The following ZNF808 variants were observed in gnomAD, a reference collection of about 807,000 sequenced individuals.
ZNF808 encodes the protein zinc finger protein 808.
ZNF808 carries 5 observed loss-of-function variants against 8.7 expected under a neutral mutation model. That is an observed-to-expected ratio of 0.58 (90% CI 0.30 to 1.21). The LOEUF (loss-of-function observed/expected upper bound fraction) is 1.21. Among genes scored for constraint, ZNF808 ranks in the 50% most tolerant of loss-of-function variants. The probability of loss-of-function intolerance (pLI) is 0.07; values close to 1 mark genes in which losing one functional copy is unlikely to be tolerated. For synonymous variants in ZNF808, 380 were observed against 366.0 expected (o/e 1.04, Z -0.44); for missense variants, 1,103 against 1,098.4 (o/e 1.00, Z -0.06).
chr19:52,542,056 A>G (rs2059675982), intron 2 of ZNF808, among the ~76,000 whole-genome samples: 1 of 152,154 alleles, frequency 6.6e-6, no homozygotes, highest in African/African-American at 2.4e-5. Context: ...AGAGAAACTT[A>G]GATGTATACG....
At position 52,529,910 on chromosome 19, in the gene ZNF808, TA is replaced by T. The variant is rs201042718; in HGVS notation, c.-122+2200del. Among the ~76,000 whole-genome samples the T allele has an allele frequency of 5.1e-3, 363 of 71,160 alleles. 3 individuals are homozygous for T. Among genetic ancestry groups the T allele is most frequent in the African/African-American group, 0.011 (149 of 13,882 alleles). The allele number at this position is 71,160 out of a possible 152,430, so 46.7% of individuals were successfully genotyped here. On this transcript the variant is annotated intron_variant, in intron 1 of 4. Transcript: ENST00000359798. ...TAGTTTACATATATATATATATATA[TA>T]TTTTTTTTTTTTGTAGAAACGTGGT... is the stretch of plus-strand genomic sequence containing the variant.
chr19:52,550,809 T>C (rs2059769282), intron 4 of ZNF808, among the ~76,000 whole-genome samples: 1 of 152,202 alleles, frequency 6.6e-6, no homozygotes, highest in Non-Finnish European at 1.5e-5. Context: ...GATGGCTTCA[T>C]ATAAGTTTTA....
chr19:52,551,017 T>C (rs962983382), intron 4 of ZNF808, among the ~76,000 whole-genome samples: 3 of 151,914 alleles, frequency 2.0e-5, no homozygotes, highest in African/African-American at 7.3e-5. Flanking sequence ...GGTCAGGAGT[T>C]TGAGACCAGT....
Position 52,553,769 on chromosome 19 carries a change from AAACCTT to A in ZNF808, c.855_860del (p.Lys285_Tyr287delinsAsn). ...CCATCGTAGATGTCACACTGGAGAG[AAACCTT>A]ACAAGTGTAAAGAGTGTGGAAAGTC... On this transcript the variant is annotated inframe_deletion, in exon 5 of 5. Transcript: ENST00000359798. The A allele has an allele frequency of 6.2e-7, 1 of 1,614,174 alleles. No homozygotes were observed. The highest frequency in any genetic ancestry group is 1.7e-5 in the Admixed American group (1 of 60,010).
chr19:52,529,046 G>A (rs1248233560), intron 1 of ZNF808, among the ~76,000 whole-genome samples: 1 of 151,566 alleles, frequency 6.6e-6, no homozygotes, highest in Non-Finnish European at 1.5e-5. Context: ...GGGAGAATGA[G>A]AGATATGTAC....
At chr19:52,547,675 T>C (rs1466199873) in intron 4 of ZNF808, 37 bp downstream of exon 4, 3 of 1,609,086 alleles carry the variant, frequency 1.9e-6, no homozygotes, top group Non-Finnish European at 2.5e-6. Context: ...AGGAGTCTGC[T>C]CCTGTCTATC....
At chr19:52,530,219 C>G (rs2059548978) in intron 1 of ZNF808, among the ~76,000 whole-genome samples, 1 of 152,062 alleles carries the variant, frequency 6.6e-6, no homozygotes, top group Admixed American at 6.5e-5. Context: ...CACCACCATG[C>G]CTGGCTAATT....
chr19:52,546,266 C>A (rs1229456759), intron 3 of ZNF808, among the ~76,000 whole-genome samples: 1 of 149,678 alleles, frequency 6.7e-6, no homozygotes, highest in African/African-American at 2.5e-5. Flanking sequence ...TGGGTCATTG[C>A]AACCTCTGCC....
chr19:52,529,078 G>A (rs1478696228), intron 1 of ZNF808, among the ~76,000 whole-genome samples: 1 of 151,894 alleles, frequency 6.6e-6, no homozygotes, highest in Non-Finnish European at 1.5e-5. Context: ...GGGAAGCGCA[G>A]TAATGAAGAA....
At chr19:52,542,376 G>C (rs577615702) in intron 2 of ZNF808, among the ~76,000 whole-genome samples, 2 of 152,098 alleles carry the variant, frequency 1.3e-5, no homozygotes, top group African/African-American at 4.8e-5. Flanking sequence ...CCCACGGGTC[G>C]CTTTCCTTTT....
intron 1 of ZNF808, among the ~76,000 whole-genome samples, chr19:52,532,248 T>C (rs1599948972): frequency 6.6e-6 from 1 of 151,940 alleles, no homozygotes; most frequent in African/African-American, 2.4e-5. Flanking sequence ...TTTTTTGAGA[T>C]GGAATCTCGC....
intron 2 of ZNF808, among the ~76,000 whole-genome samples, chr19:52,533,822 G>A (rs2059581106): frequency 9.7e-6 from 1 of 102,758 alleles, no homozygotes; most frequent in Non-Finnish European, 1.8e-5. Context: ...TAGCCTGGGT[G>A]ACAAAGTGAG....
At chr19:52,542,579 T>C (rs1030734228) in intron 2 of ZNF808, among the ~76,000 whole-genome samples, 3 of 129,036 alleles carry the variant, frequency 2.3e-5, no homozygotes, top group Non-Finnish European at 4.7e-5. Flanking sequence ...AACCAGAAAA[T>C]CTTACAGAGA....
chr19:52,565,453 A>G (rs1267502452), downstream of ZNF808, among the ~76,000 whole-genome samples: 3 of 152,264 alleles, frequency 2.0e-5, no homozygotes, highest in Non-Finnish European at 2.9e-5. Flanking sequence ...CCAAAAATCT[A>G]CATACTCCAC....
downstream of ZNF808, among the ~76,000 whole-genome samples, chr19:52,559,471 T>G (rs1940228855): frequency 6.6e-6 from 1 of 152,156 alleles, no homozygotes; most frequent in Non-Finnish European, 1.5e-5. Flanking sequence ...ATGGTAGAGA[T>G]AATGATCAAT....
At chr19:52,546,712 C>G (rs1291730665) in intron 3 of ZNF808, among the ~76,000 whole-genome samples, 1 of 133,382 alleles carries the variant, frequency 7.5e-6, no homozygotes, top group Admixed American at 8.3e-5. Context: ...GGTGCGATCT[C>G]GGCTCACTGC....
intron 1 of ZNF808, among the ~76,000 whole-genome samples, chr19:52,528,701 C>A (rs532806469): frequency 1.3e-4 from 19 of 151,742 alleles, no homozygotes; most frequent in East Asian, 5.8e-4. Flanking sequence ...CAAGGAGAAC[C>A]GAGGGAGAAA....
chr19:52,529,718 TTTAA>T (rs2059543009), intron 1 of ZNF808, among the ~76,000 whole-genome samples: 1 of 151,946 alleles, frequency 6.6e-6, no homozygotes, highest in Non-Finnish European at 1.5e-5. Context: ...ATACTTTTAA[TTTAA>T]TTAATTAAAT....
At chr19:52,534,516 G>C (rs1035088005) in intron 2 of ZNF808, among the ~76,000 whole-genome samples, 1 of 151,626 alleles carries the variant, frequency 6.6e-6, no homozygotes, top group African/African-American at 2.4e-5. Flanking sequence ...CTCTATTATC[G>C]TCGTGGAGAT....
Sources: gnomAD v4.1 joint callset for allele counts (sites outside exome capture counted in the v4.1 genomes callset) on GRCh38, gnomAD v4.1.1 for gene constraint, MANE v1.5 for transcripts, NCBI Gene and HGNC (gene_info 2026-07-23, HGNC 2026-07-21) for gene names.